ZBBX: variants seen among roughly 807,000 people sequenced by gnomAD.
ZBBX encodes the protein zinc finger B-box domain containing, also known as zinc finger B-box domain-containing protein 1.
A neutral mutation model predicts 108.5 loss-of-function variants in ZBBX; 101 were observed. The observed-to-expected ratio is 0.93, with a 90% CI of 0.79 to 1.10. ZBBX has a LOEUF of 1.10. Among genes scored for constraint, ZBBX ranks in the 50% least tolerant of loss-of-function variants. The pLI, the probability that ZBBX is intolerant of heterozygous loss-of-function variation, is 0.00. For synonymous variants in ZBBX, 356 were observed against 323.4 expected (o/e 1.10, Z -1.08); for missense variants, 1,009 against 941.4 (o/e 1.07, Z -0.94).
At chr3:167,358,391 G>A (rs995546619) in intron 8 of ZBBX, among the ~76,000 whole-genome samples, 1 of 151,898 alleles carries the variant, frequency 6.6e-6, no homozygotes, top group African/African-American at 2.4e-5. Context: ...GGATGGGGAA[G>A]TGATTGTTTA....
chr3:167,223,516 C>G, the ZBBX span, among the ~76,000 whole-genome samples: 1 of 151,918 alleles, frequency 6.6e-6, no homozygotes, highest in East Asian at 1.9e-4. Context: ...AGCTCTATGA[C>G]TTTGGGCAAA....
intron 17 of ZBBX, among the ~76,000 whole-genome samples, chr3:167,303,357 A>G (rs1461768442): frequency 2.6e-5 from 4 of 152,206 alleles, no homozygotes; most frequent in Admixed American, 6.5e-5. Context: ...CTAATCATAC[A>G]TATCTAACAG....
At chr3:167,324,118 T>C (rs902506505) in intron 11 of ZBBX, among the ~76,000 whole-genome samples, 5 of 152,074 alleles carry the variant, frequency 3.3e-5, no homozygotes, top group African/African-American at 1.2e-4. Flanking sequence ...CAATATTAAA[T>C]GTTAGTGATA....
rs1272659206 is a variant in ZBBX, at chr3:167,282,508, G to A, written c.1997-13C>T. On this transcript the variant is annotated splice_polypyrimidine_tract_variant and intron_variant, in intron 19 of 21. Coordinates refer to ENST00000675490, the MANE Select transcript of ZBBX (RefSeq NM_001199201.2). ...TGTGATTTCTGACCTAAAATTAAAAGTAAAAAGTTTTTAAATCAACTTTTA... is the reference window on the plus strand; with the variant it reads ...TGTGATTTCTGACCTAAAATTAAAAATAAAAAGTTTTTAAATCAACTTTTA... The A allele has an allele frequency of 5.0e-6, 8 of 1,587,076 alleles. No homozygotes were observed. The highest frequency in any genetic ancestry group is 6.8e-6 in the Non-Finnish European group (8 of 1,170,116).
chr3:167,294,898 CT>C (rs1731351455), intron 18 of ZBBX, among the ~76,000 whole-genome samples: 5 of 152,296 alleles, frequency 3.3e-5, no homozygotes, highest in African/African-American at 1.2e-4. Context: ...ACAGACACTT[CT>C]CAAAAGAAGA....
At chr3:167,267,985 A>T (rs1352398258) in intron 20 of ZBBX, among the ~76,000 whole-genome samples, 1 of 151,924 alleles carries the variant, frequency 6.6e-6, no homozygotes, top group African/African-American at 2.4e-5. Context: ...CTTGGGAATC[A>T]TCATGCCATA....
At chr3:167,297,501 C>A (rs1443742766) in intron 18 of ZBBX, among the ~76,000 whole-genome samples, 1 of 151,836 alleles carries the variant, frequency 6.6e-6, no homozygotes, top group Non-Finnish European at 1.5e-5. Context: ...ACTGAAGGAA[C>A]AGGCAAGAGC....
chr3:167,191,897 ATAT>A, the ZBBX span, among the ~76,000 whole-genome samples: 111 of 7,102 alleles, frequency 0.016, 4 homozygotes, highest in African/African-American at 0.038. Flanking sequence ...TACAAAAATC[ATAT>A]ATATATATAT....
intron 9 of ZBBX, among the ~76,000 whole-genome samples, chr3:167,348,177 G>T (rs1349894448): frequency 8.0e-6 from 1 of 124,426 alleles, no homozygotes; most frequent in Non-Finnish European, 1.6e-5. Context: ...GAGAAAGAGA[G>T]AAAAAGAAGG....
At chr3:167,400,414 G>C (rs1748388509) in intron 1 of ZBBX, among the ~76,000 whole-genome samples, 1 of 152,100 alleles carries the variant, frequency 6.6e-6, no homozygotes, top group African/African-American at 2.4e-5. Context: ...TATGTGAGAT[G>C]ATATCTTATT....
chr3:167,319,259 T>G (rs1735981004), intron 12 of ZBBX, among the ~76,000 whole-genome samples: 1 of 151,958 alleles, frequency 6.6e-6, no homozygotes, highest in Non-Finnish European at 1.5e-5. Context: ...TTCTGCTAAA[T>G]GAAGGACATG....
intron 17 of ZBBX, among the ~76,000 whole-genome samples, chr3:167,303,744 A>C (rs1048975267): frequency 1.3e-5 from 2 of 152,212 alleles, no homozygotes; most frequent in African/African-American, 4.8e-5. Flanking sequence ...GCTGTGCATG[A>C]GAATTTAATG....
At chr3:167,376,616 A>C (rs1747000173) in intron 2 of ZBBX, among the ~76,000 whole-genome samples, 1 of 152,236 alleles carries the variant, frequency 6.6e-6, no homozygotes, top group African/African-American at 2.4e-5. Flanking sequence ...TGATACAAAA[A>C]ATGAACGAAC....
chr3:167,358,193 TA>T (rs969580954), intron 8 of ZBBX, among the ~76,000 whole-genome samples: 1 of 151,024 alleles, frequency 6.6e-6, no homozygotes, highest in African/African-American at 2.4e-5. Context: ...TAAAGTAAAA[TA>T]AAAAAATAAT....
intron 20 of ZBBX, among the ~76,000 whole-genome samples, chr3:167,247,890 T>C (rs4955764): frequency 0.82 from 124,710 of 152,174 alleles, 51,501 homozygotes; most frequent in African/African-American, 0.93. Flanking sequence ...TAAGAAGCTC[T>C]GTTTCCCTTC....
chr3:167,400,155 G>T (rs1490130458), intron 1 of ZBBX, among the ~76,000 whole-genome samples: 3 of 152,056 alleles, frequency 2.0e-5, no homozygotes, highest in Admixed American at 6.6e-5. Flanking sequence ...GAATAATGCT[G>T]CAGTGAACAT....
chr3:167,242,447 A>C (rs1720845427), intron 21 of ZBBX, 58 bp downstream of exon 21: 1 of 1,411,312 alleles, frequency 7.1e-7, no homozygotes, highest in East Asian at 2.4e-5. Flanking sequence ...AACTAGTTGG[A>C]GCTTGTCAAA....
intron 9 of ZBBX, among the ~76,000 whole-genome samples, chr3:167,338,585 G>T (rs991255807): frequency 6.6e-6 from 1 of 150,602 alleles, no homozygotes; most frequent in African/African-American, 2.4e-5. Context: ...GTATTACTTT[G>T]CAAGTTTGAG....
chr3:167,296,396 A>G (rs1424175376), intron 18 of ZBBX, among the ~76,000 whole-genome samples: 1 of 152,106 alleles, frequency 6.6e-6, no homozygotes, highest in African/African-American at 2.4e-5. Flanking sequence ...AACAGACAAG[A>G]AAAAGAAATA....
Sources: allele counts gnomAD v4.1 joint callset (sites outside exome capture counted in the v4.1 genomes callset), GRCh38; gene constraint gnomAD v4.1.1; transcripts MANE v1.5; gene names NCBI Gene and HGNC (gene_info 2026-07-23, HGNC 2026-07-21).